The following PHF3 variants were observed in gnomAD, a reference collection of about 807,000 sequenced individuals.
The protein encoded by PHF3 is PHD finger protein 3.
PHF3 carries 41 observed loss-of-function variants against 178.4 expected under a neutral mutation model. The observed-to-expected ratio is 0.23, with a 90% CI of 0.18 to 0.30. PHF3 has a LOEUF of 0.30. Among genes scored for constraint, PHF3 ranks in the 10% least tolerant of loss-of-function variants. The probability of loss-of-function intolerance (pLI) is 1.00; values close to 1 mark genes in which losing one functional copy is unlikely to be tolerated. For missense variants in PHF3, 2,346 were observed against 2,398.1 expected, an observed-to-expected ratio of 0.98 and a Z score of 0.45; for synonymous variants, 842 against 800.5, an observed-to-expected ratio of 1.05 and a Z score of -0.88.
intron 4 of PHF3, among the ~76,000 whole-genome samples, chr6:63,688,843 A>C (rs1766868227): frequency 6.6e-6 from 1 of 152,228 alleles, no homozygotes; most frequent in African/African-American, 2.4e-5. Context: ...GATTTCATGC[A>C]CTAGATACAT....
At chr6:63,662,934 C>A (rs1397976316) in intron 2 of PHF3, among the ~76,000 whole-genome samples, 1 of 152,170 alleles carries the variant, frequency 6.6e-6, no homozygotes, top group Admixed American at 6.5e-5. Context: ...GTTGACAACT[C>A]CAGTTGGTAC....
chr6:63,678,179 C>T (rs1464241652), intron 2 of PHF3, among the ~76,000 whole-genome samples: 2 of 150,224 alleles, frequency 1.3e-5, no homozygotes, highest in African/African-American at 4.9e-5. Flanking sequence ...GCCAAGATCG[C>T]ACCACTGCAC....
rs750069520 is a variant in PHF3, at chr6:63,713,068, G to T, written c.5480G>T (p.Ser1827Ile). The T allele has an allele frequency of 8.7e-6, 14 of 1,613,774 alleles. No homozygotes were observed. The highest frequency in any genetic ancestry group is 1.2e-5 in the Non-Finnish European group (14 of 1,179,962). ...FPGPPNFPPQ[S>I]MFGFPPHLPP... ...GGGCCTCCTAATTTTCCCCCACAAA[G>T]CATGTTTGGATTTCCACCACATTTG... The change falls in exon 16 of 16, where the codon AGC (serine) becomes ATC (isoleucine). Residue 1827 changes from serine (S) to isoleucine (I), a missense_variant. Ser to Ile is a moderately radical substitution (Grantham distance 142). Transcript: ENST00000262043.
chr6:63,672,858 AG>A (rs1205445801), intron 2 of PHF3, among the ~76,000 whole-genome samples: 1 of 152,196 alleles, frequency 6.6e-6, no homozygotes, highest in Non-Finnish European at 1.5e-5. Context: ...TGTTCACATA[AG>A]GCAAACACCA....
chr6:63,689,858 A>G (rs567279437), intron 4 of PHF3, among the ~76,000 whole-genome samples: 2 of 152,288 alleles, frequency 1.3e-5, no homozygotes, highest in East Asian at 3.9e-4. Context: ...GTCATGTCTC[A>G]CTGAAACTAT....
In PHF3 at chr6:63,717,140, A is replaced by G. The variant is rs537520353; in HGVS notation, c.*3432A>G. Among the ~76,000 whole-genome samples the G allele has an allele frequency of 8.6e-4, 131 of 152,192 alleles. No individual in the cohort carries two copies. Among genetic ancestry groups the G allele is most frequent in the African/African-American group, 3.1e-3 (127 of 41,568 alleles). On this transcript the variant is annotated 3_prime_UTR_variant, in exon 16 of 16. Coordinates refer to ENST00000262043, the MANE Select transcript of PHF3 (RefSeq NM_001370348.2). ...AATAACACCAGCAATAGAGAAGAAA[A>G]TGGAGTGAAAAGTGAAGCCACTCCA...
In PHF3 at chr6:63,713,856, A is replaced by G. The variant is rs185650185; in HGVS notation, c.*148A>G. 1.7e-5 allele frequency: 11 copies of G among 641,988 alleles called. No homozygotes were observed. Among genetic ancestry groups the G allele is most frequent in the Middle Eastern group, 7.4e-4 (2 of 2,690 alleles). 39.8% of individuals were successfully genotyped at this position (641,988 alleles called of 1,614,324 possible). A position where few individuals can be genotyped will look rare whatever the true frequency, so the allele number is the denominator to read the frequency against. On this transcript the variant is annotated 3_prime_UTR_variant, in exon 16 of 16. Transcript: ENST00000262043. Reference sequence around the variant, plus strand: ...AGAACAGTAAATTCTGTGTGTTGGTACAGAGTGCTCTGTACCAGTGCTCAT... The same window carrying G: ...AGAACAGTAAATTCTGTGTGTTGGTGCAGAGTGCTCTGTACCAGTGCTCAT...
intron 9 of PHF3, 73 bp from the exon 10 acceptor site, chr6:63,702,435 C>A: frequency 9.9e-7 from 1 of 1,012,772 alleles, no homozygotes; most frequent in Non-Finnish European, 1.4e-6. Context: ...TAGGTAAGCT[C>A]TTATTATTTA....
chr6:63,720,360 C>A lies in PHF3; in HGVS notation c.*6652C>A. 1 of 439,142 alleles carries A rather than the reference C, an allele frequency of 2.3e-6. No homozygotes were observed. Among genetic ancestry groups the A allele is most frequent in the Non-Finnish European group, 4.0e-6 (1 of 249,830 alleles). 27.2% of individuals were successfully genotyped at this position (439,142 alleles called of 1,614,324 possible). ...TGAATAAGCACATTCTGTGAATAAG[C>A]ACTGAACTAATGGAGTTAAAACATG... On this transcript the variant is annotated 3_prime_UTR_variant, in exon 16 of 16. Transcript: ENST00000262043.
intron 4 of PHF3, among the ~76,000 whole-genome samples, chr6:63,690,463 G>T (rs2149590388): frequency 6.6e-6 from 1 of 152,178 alleles, no homozygotes; most frequent in Non-Finnish European, 1.5e-5. Context: ...AACACTGTAA[G>T]GATTGGAACT....
intron 2 of PHF3, among the ~76,000 whole-genome samples, chr6:63,676,335 A>G (rs1039043224): frequency 6.6e-6 from 1 of 152,226 alleles, no homozygotes; most frequent in Non-Finnish European, 1.5e-5. Context: ...CAGATACTTA[A>G]TGTCATATAG....
At chr6:63,689,175 C>A (rs760539975) in intron 4 of PHF3, among the ~76,000 whole-genome samples, 1 of 152,120 alleles carries the variant, frequency 6.6e-6, no homozygotes, top group Non-Finnish European at 1.5e-5. Context: ...ATTATTTAAT[C>A]CTCTGATTTT....
rs757865375 is a variant in PHF3 at position 63,712,974 on chromosome 6, T to C, written c.5386T>C (p.Ser1796Pro). The change falls in exon 16 of 16, where the codon TCA (serine) becomes CCA (proline). Residue 1796 changes from serine (S) to proline (P), a missense_variant. By Grantham distance (74) the Ser-to-Pro change is moderately conservative. This residue lies in a region of PHF3 where 839 missense variants were observed against 806.9 expected (regional missense o/e 1.04). Transcript: ENST00000262043. ...CAGCCCCAGAACAAGTACAAACTTT[T>C]CACCCATGAGGCCACAGCAGCCCAA... ...STSPRTSTNF[S>P]PMRPQQPNLQ... 1.9e-6 allele frequency: 3 copies of C among 1,614,056 alleles called. No homozygotes were observed. In the South Asian group the frequency reaches 3.3e-5, roughly 18 times the overall value.
chr6:63,708,042 T>G (rs970296407), intron 13 of PHF3, among the ~76,000 whole-genome samples: 2 of 152,076 alleles, frequency 1.3e-5, no homozygotes, highest in Non-Finnish European at 2.9e-5. Flanking sequence ...AATTTTTGTA[T>G]TTTTAGTAGA....
chr6:63,697,170 T>A (rs1429530430), intron 6 of PHF3, among the ~76,000 whole-genome samples: 1 of 152,106 alleles, frequency 6.6e-6, no homozygotes, highest in Non-Finnish European at 1.5e-5. Context: ...GAGGGAGGTA[T>A]TTATCAGAAA....
chr6:63,651,973 C>CGTA (rs1371559831), intron 2 of PHF3, among the ~76,000 whole-genome samples: 2 of 152,084 alleles, frequency 1.3e-5, no homozygotes, highest in Non-Finnish European at 2.9e-5. Context: ...AGGTCGATTT[C>CGTA]GTATTATGGC....
Position 63,684,365 on chromosome 6 carries a change from GT to G in PHF3, c.644del (p.Val215GlyfsTer14). 1 of 1,613,944 alleles carries G rather than the reference GT, an allele frequency of 6.2e-7. No homozygotes were observed. The highest frequency in any genetic ancestry group is 8.5e-7 in the Non-Finnish European group (1 of 1,179,824). On this transcript the variant is annotated frameshift_variant, in exon 4 of 16. Coordinates refer to ENST00000262043, the MANE Select transcript of PHF3 (RefSeq NM_001370348.2). LOFTEE classifies it high-confidence loss of function. ...GQIEVVPEVSVSSSHSSVSSC... is the reference protein window; with the variant it reads ...GQIEVVPEVSXSSSHSSVSSC... ...AATTGAAGTGGTACCTGAAGTATCA[GT>G]GTCTTCAAGTCATTCTTCAGTGTCA... is the stretch of plus-strand genomic sequence containing the variant.
chr6:63,678,272 A>G lies in PHF3; in HGVS notation c.245-1728A>G, dbSNP rs373022855. Among the ~76,000 whole-genome samples, 5 of 152,082 alleles carry G rather than the reference A, an allele frequency of 3.3e-5. No homozygotes were observed. The East Asian group carries it at 9.7e-4, about 29-fold the overall frequency. ...AACAACAAAAAACAACAGCAACAAA[A>G]ACCTGAGGATGTATGTGAATGTGTG... On this transcript the variant is annotated intron_variant, in intron 2 of 15. Coordinates refer to ENST00000262043, the MANE Select transcript of PHF3 (RefSeq NM_001370348.2).
At position 63,685,816 on chromosome 6, in the gene PHF3, A is replaced by G. The variant is rs756448305; in HGVS notation, c.2094A>G (p.Arg698=). 2.4e-5 allele frequency: 38 copies of G among 1,613,758 alleles called. No homozygotes were observed. Among genetic ancestry groups the G allele is most frequent in the Non-Finnish European group, 3.1e-5 (37 of 1,180,026 alleles). The change falls in exon 4 of 16, where the codon AGA becomes AGG. Residue 698 remains arginine, a synonymous_variant. Transcript: ENST00000262043. ...LFIPDNIATI[R]REGSDHSSSF... The stretch of plus-strand genomic sequence containing the variant: ...TTCCAGATAACATAGCTACCATAAG[A>G]AGAGAAGGCTCTGATCATAGCTCCT...
Sources: allele counts gnomAD v4.1 joint callset (sites outside exome capture counted in the v4.1 genomes callset), GRCh38; gene constraint gnomAD v4.1.1; regional missense constraint gnomAD v4.1.1; transcripts MANE v1.5; gene names NCBI Gene and HGNC (gene_info 2026-07-23, HGNC 2026-07-21).